Variants in DNAH17 observed in about 807,000 individuals in gnomAD.
DNAH17 encodes the protein axonemal beta dynein heavy chain 17.
A neutral mutation model predicts 485.6 loss-of-function variants in DNAH17; 376 were observed. The ratio of observed to expected loss-of-function variants is 0.77; its 90% CI spans 0.71 to 0.84. The LOEUF (loss-of-function observed/expected upper bound fraction) is 0.84. DNAH17 is among the 40% of genes least tolerant of loss of function. DNAH17 has a pLI of 0.00. For missense variants in DNAH17, 6,370 were observed against 5,839.3 expected, an observed-to-expected ratio of 1.09 and a Z score of -2.96; for synonymous variants, 3,031 against 2,405.9, an observed-to-expected ratio of 1.26 and a Z score of -7.60.
chr17:78,482,896 T>G (rs996766026), intron 48 of DNAH17, among the ~76,000 whole-genome samples: 1 of 152,170 alleles, frequency 6.6e-6, no homozygotes, highest in Non-Finnish European at 1.5e-5. Flanking sequence ...AGCTTAAGAA[T>G]GTGGAGGCTC....
At chr17:78,558,392 T>C in intron 13 of DNAH17, 138 bp from the exon 14 acceptor site, 1 of 1,080,888 alleles carries the variant, frequency 9.3e-7, no homozygotes, top group Non-Finnish European at 1.3e-6. Flanking sequence ...AGGCAGTATT[T>C]GTTGGCAGGA....
rs371379239 is a variant in DNAH17 at position 78,468,658 on chromosome 17, A to T, written c.8737T>A (p.Cys2913Ser). The T allele has an allele frequency of 6.2e-7, 1 of 1,613,924 alleles. No homozygotes were observed. Among genetic ancestry groups the T allele is most frequent in the East Asian group, 2.2e-5 (1 of 44,882 alleles). The change falls in exon 55 of 81, where the codon TGT becomes AGT. Residue 2913 changes from cysteine (C) to serine (S), a missense_variant. Coordinates refer to ENST00000389840, the MANE Select transcript of DNAH17 (RefSeq NM_173628.4). ...SLGMNDTRET[C>S]WKFFIEKVRR... ...ACTTTTTCGATGAAGAACTTCCAAC[A>T]TGTTTCCCGAGTGTCATTCATGCCA...
intron 16 of DNAH17, 57 bp from the exon 17 acceptor site, chr17:78,544,054 C>T: frequency 1.2e-6 from 2 of 1,610,332 alleles, no homozygotes; most frequent in East Asian, 2.2e-5. Context: ...CTTTCAGTCG[C>T]AGTCCTTTGC....
intron 30 of DNAH17, 22 bp from the exon 31 acceptor site, chr17:78,505,467 G>A (rs1211651790): frequency 1.2e-6 from 2 of 1,613,814 alleles, no homozygotes; most frequent in African/African-American, 1.3e-5. Context: ...CAAGAAGCGG[G>A]AATTATGCAA....
chr17:78,532,017 G>A (rs1183351681), intron 20 of DNAH17, among the ~76,000 whole-genome samples: 1 of 152,092 alleles, frequency 6.6e-6, no homozygotes, highest in Admixed American at 6.6e-5. Context: ...CCACACCTCC[G>A]ACCATCCCCT....
At chr17:78,540,423 GTGGATGGA>G (rs1249187767) in intron 17 of DNAH17, among the ~76,000 whole-genome samples, 8 of 53,134 alleles carry the variant, frequency 1.5e-4, no homozygotes, top group Non-Finnish European at 2.9e-4. Context: ...GGGTGAGTGG[GTGGATGGA>G]TGGATGGATG....
chr17:78,432,078 C>T (rs1260945204), intron 75 of DNAH17, among the ~76,000 whole-genome samples: 1 of 151,928 alleles, frequency 6.6e-6, no homozygotes, highest in East Asian at 1.9e-4. Flanking sequence ...ACTTGAGAGG[C>T]TGGGGTGGGA....
intron 17 of DNAH17, among the ~76,000 whole-genome samples, chr17:78,542,447 C>T (rs1015100449): frequency 6.6e-6 from 1 of 152,150 alleles, no homozygotes; most frequent in Non-Finnish European, 1.5e-5. Flanking sequence ...TACGCCCAGC[C>T]GTTATTTGAG....
In DNAH17 at chr17:78,571,638, G is replaced by A. The variant is rs761726465; in HGVS notation, c.684C>T (p.Phe228=). ...DGLHPLPQVE[F]EFWDTRLLNL... The stretch of plus-strand genomic sequence containing the variant: ...TCAGCAGCCGAGTGTCCCAGAACTC[G>A]AACTCCACTTGGGGCAGGGGGTGCA... Residue 228 remains phenylalanine, a synonymous_variant, in exon 4 of 81, where the codon TTC becomes TTT. Transcript: ENST00000389840. 3.7e-6 allele frequency: 6 copies of A among 1,613,968 alleles called. No individual in the cohort carries two copies. The highest frequency in any genetic ancestry group is 1.1e-5 in the South Asian group (1 of 91,060).
chr17:78,462,193 G>A (rs933438703), intron 57 of DNAH17, among the ~76,000 whole-genome samples: 5 of 150,544 alleles, frequency 3.3e-5, no homozygotes, highest in Admixed American at 2.0e-4. Context: ...GAGTTGCAGT[G>A]CCGAGCAGGG....
chr17:78,539,544 A>T (rs1356938253), intron 18 of DNAH17, among the ~76,000 whole-genome samples, 193 bp downstream of exon 18: 1 of 152,174 alleles, frequency 6.6e-6, no homozygotes, highest in Non-Finnish European at 1.5e-5. Flanking sequence ...AGTGGTCCTG[A>T]GTGCCTGGGA....
chr17:78,496,072 G>T, intron 37 of DNAH17, 40 bp from the exon 38 acceptor site: 1 of 1,591,450 alleles, frequency 6.3e-7, no homozygotes, highest in Non-Finnish European at 8.6e-7. Context: ...CATGGAAATG[G>T]CCAGCTTCCA....
chr17:78,558,614 C>G (rs1341450886), intron 13 of DNAH17, among the ~76,000 whole-genome samples: 2 of 152,154 alleles, frequency 1.3e-5, no homozygotes, highest in Admixed American at 1.3e-4. Context: ...TGGATGATGT[C>G]ATCATTGTAG....
At chr17:78,428,747 G>T in intron 76 of DNAH17, 40 bp from the exon 77 acceptor site, 19 of 1,608,988 alleles carry the variant, frequency 1.2e-5, no homozygotes, top group Non-Finnish European at 1.6e-5. Flanking sequence ...GCAAAGCTGT[G>T]CAGGCTGAAA....
rs369100987 is a variant in DNAH17 at position 78,475,443 on chromosome 17, G to A, written c.8346C>T (p.His2782=). 5.6e-6 allele frequency: 9 copies of A among 1,613,768 alleles called. No individual in the cohort carries two copies. Among genetic ancestry groups the A allele is most frequent in the South Asian group, 3.3e-5 (3 of 91,080 alleles). ...CCAGGATGCGATTAATCCTGCAGAT[G>A]TGAGCCACGGCGTCCTCAAACAGCA... ...NLVLFEDAVA[H]ICRINRILES... is the part of the protein sequence containing the mutation. The change falls in exon 54 of 81, where the codon CAC becomes CAT. Residue 2782 remains histidine (H), a synonymous_variant. Coordinates refer to ENST00000389840, the MANE Select transcript of DNAH17 (RefSeq NM_173628.4).
chr17:78,509,745 G>T (rs766145080), intron 27 of DNAH17, among the ~76,000 whole-genome samples: 1 of 151,430 alleles, frequency 6.6e-6, no homozygotes. Context: ...AACAACTGAC[G>T]TCCATGGAGG....
At chr17:78,432,371 A>C (rs1258128338) in intron 75 of DNAH17, among the ~76,000 whole-genome samples, 1 of 111,306 alleles carries the variant, frequency 9.0e-6, no homozygotes, top group Admixed American at 9.9e-5. Flanking sequence ...TCCGGCCGGC[A>C]CCCTGCCCCA....
At chr17:78,432,401 G>C (rs951063979) in intron 75 of DNAH17, among the ~76,000 whole-genome samples, 4 of 147,434 alleles carry the variant, frequency 2.7e-5, no homozygotes, top group Non-Finnish European at 1.5e-5. Flanking sequence ...AGACAGCAGA[G>C]GCTGCCTTTC....
At chr17:78,536,909 C>T (rs1036236148) in intron 19 of DNAH17, among the ~76,000 whole-genome samples, 1 of 151,838 alleles carries the variant, frequency 6.6e-6, no homozygotes, top group Non-Finnish European at 1.5e-5. Context: ...GGCGCGGTGG[C>T]TCACGCCTAT....
Sources: gnomAD v4.1 joint callset for allele counts (sites outside exome capture counted in the v4.1 genomes callset) on GRCh38, gnomAD v4.1.1 for gene constraint, MANE v1.5 for transcripts, NCBI Gene and HGNC (gene_info 2026-07-23, HGNC 2026-07-21) for gene names.